POLR3H: variants seen among roughly 807,000 people sequenced by gnomAD.
POLR3H encodes the protein DNA-directed RNA polymerase III subunit RPC8.
POLR3H carries 17 observed loss-of-function variants against 25.5 expected under a neutral mutation model. The observed-to-expected ratio is 0.67, with a 90% CI of 0.46 to 1.00. The LOEUF is 1.00. POLR3H is among the 50% of genes least tolerant of loss of function. POLR3H has a pLI of 0.00. For synonymous variants in POLR3H, 129 were observed against 103.0 expected (o/e 1.25, Z -1.53); for missense variants, 274 against 265.0 (o/e 1.03, Z -0.24).
chr22:41,532,156 G>A lies in POLR3H; in HGVS notation c.297C>T (p.Val99=). The A allele has an allele frequency of 6.2e-7, 1 of 1,614,034 alleles. No individual in the cohort carries two copies. ...GAATGTCATCGAAGAAGCCTAGAGA[G>A]ACTGGAAGGAAGGAAGCAGGTGACG... ...IKGCSPEGVH[V]SLGFFDDILI... is the part of the protein sequence containing the mutation. Residue 99 remains valine (V), a splice_region_variant and synonymous_variant, in exon 4 of 6, where the codon GTC becomes GTT. Transcript: ENST00000355209.
intron 2 of POLR3H, among the ~76,000 whole-genome samples, chr22:41,537,227 G>T (rs2066863700): frequency 6.6e-6 from 1 of 152,220 alleles, no homozygotes; most frequent in African/African-American, 2.4e-5. Context: ...GCTTCACTCA[G>T]ACTTGCTCGT....
intron 1 of POLR3H, 34 bp from the exon 2 acceptor site, chr22:41,540,829 C>G (rs772550402): frequency 6.5e-7 from 1 of 1,536,616 alleles, no homozygotes; most frequent in Non-Finnish European, 9.0e-7. Flanking sequence ...CACAAGTACA[C>G]ATGGATACAG....
At chr22:41,529,987 C>G (rs1479388005) in intron 5 of POLR3H, among the ~76,000 whole-genome samples, 2 of 152,034 alleles carry the variant, frequency 1.3e-5, no homozygotes, top group Non-Finnish European at 2.9e-5. Context: ...AATCTCCTGA[C>G]CTCGTGATCC....
chr22:41,528,629 GC>G lies in POLR3H; in HGVS notation c.*653del. 6.4e-7 allele frequency: 1 copy of G among 1,552,486 alleles called. No homozygotes were observed. Among genetic ancestry groups the G allele is most frequent in the Non-Finnish European group, 8.7e-7 (1 of 1,152,444 alleles). On this transcript the variant is annotated 3_prime_UTR_variant, in exon 6 of 6. Coordinates refer to ENST00000355209, the MANE Select transcript of POLR3H (RefSeq NM_001018050.4). Reference sequence around the variant, plus strand: ...GCAACAGTGAGGGCAGTGCCTCCCCGCCCCGCCGCTGGCGTCAAGTTCAGCT... The same window carrying G: ...GCAACAGTGAGGGCAGTGCCTCCCCGCCCGCCGCTGGCGTCAAGTTCAGCT...
In POLR3H at chr22:41,537,145, T is replaced by C. The variant is rs949456789; in HGVS notation, c.208+3554A>G. 1.1e-4 allele frequency among the ~76,000 whole-genome samples: 16 copies of C among 152,044 alleles called. 1 individual carries two copies. Among genetic ancestry groups the C allele is most frequent in the Admixed American group, 5.9e-4 (9 of 15,248 alleles). On this transcript the variant is annotated intron_variant, in intron 2 of 5. Coordinates refer to ENST00000355209, the MANE Select transcript of POLR3H (RefSeq NM_001018050.4). Reference sequence around the variant, plus strand: ...AATGTCGAGGGATAAACTTGGCCAGTGGGGGTCAGGGTCCCATGCCACAAA... The same window carrying C: ...AATGTCGAGGGATAAACTTGGCCAGCGGGGGTCAGGGTCCCATGCCACAAA...
intron 1 of POLR3H, among the ~76,000 whole-genome samples, chr22:41,541,790 TAA>T (rs2066933195): frequency 6.6e-6 from 1 of 152,192 alleles, no homozygotes; most frequent in African/African-American, 2.4e-5. Context: ...CCTCACAAAG[TAA>T]CCAGAAGCCA....
In POLR3H at chr22:41,528,542, T is replaced by C; in HGVS notation, c.*741A>G. 6.2e-7 allele frequency: 1 copy of C among 1,613,182 alleles called. No individual in the cohort carries two copies. Among genetic ancestry groups the C allele is most frequent in the South Asian group, 1.1e-5 (1 of 91,032 alleles). ...GGAGACCATCCTCCTGAACCACACC[T>C]TCAACGAGACGCAGATTGAGTGGTT... On this transcript the variant is annotated 3_prime_UTR_variant, in exon 6 of 6. Transcript: ENST00000355209.
At chr22:41,540,635 G>T in intron 2 of POLR3H, 64 bp downstream of exon 2, 2 of 1,277,370 alleles carry the variant, frequency 1.6e-6, no homozygotes, top group South Asian at 1.2e-5. Flanking sequence ...GATTTGGCTT[G>T]ACCTTTGGCT....
intron 1 of POLR3H, among the ~76,000 whole-genome samples, chr22:41,541,047 TG>T (rs1223004018): frequency 2.5e-4 from 38 of 152,150 alleles, no homozygotes; most frequent in Admixed American, 4.6e-4. Flanking sequence ...ACTGTGTGAC[TG>T]CCAAGAGGGT....
intron 2 of POLR3H, among the ~76,000 whole-genome samples, chr22:41,538,124 C>T (rs577489465): frequency 6.6e-6 from 1 of 151,494 alleles, no homozygotes; most frequent in Non-Finnish European, 1.5e-5. Context: ...TGCCACCACA[C>T]CCAAATAATT....
rs1303057152 is a variant in POLR3H at position 41,527,999 on chromosome 22, C to G, written c.*1284G>C. On this transcript the variant is annotated 3_prime_UTR_variant, in exon 6 of 6. Transcript: ENST00000355209. ...TGTGGACAAGCTGACCATTCAGGGC[C>G]TGAAGGACTTCACCCCTGGCAAGGT... 6.2e-7 allele frequency: 1 copy of G among 1,614,206 alleles called. No homozygotes were observed. Among genetic ancestry groups the G allele is most frequent in the Admixed American group, 1.7e-5 (1 of 60,028 alleles).
Position 41,532,858 on chromosome 22 carries a change from C to T in POLR3H, c.209-113G>A. On this transcript the variant is annotated intron_variant, in intron 2 of 5. Transcript: ENST00000355209. ...CTGTGTGGCTGCTCCATGCCACATC[C>T]CCCTGCAAGCCTAGACCCTCCCTTT... The T allele has an allele frequency of 4.5e-6, 5 of 1,117,870 alleles. No homozygotes were observed. In the South Asian group the frequency reaches 5.9e-5, roughly 13 times the overall value. The allele number at this position is 1,117,870 out of a possible 1,614,324, so 69.2% of individuals were successfully genotyped here. A position where few individuals can be genotyped will look rare whatever the true frequency, so the allele number is the denominator to read the frequency against.
chr22:41,532,476 A>C, intron 3 of POLR3H, 183 bp downstream of exon 3: 3 of 1,112,690 alleles, frequency 2.7e-6, no homozygotes, highest in Non-Finnish European at 2.5e-6. Context: ...CTCACAGTGA[A>C]ACCGCACTGC....
chr22:41,530,019 T>C (rs1569029552), intron 5 of POLR3H, among the ~76,000 whole-genome samples: 1 of 152,120 alleles, frequency 6.6e-6, no homozygotes, highest in Non-Finnish European at 1.5e-5. Context: ...CCTCCCAAAG[T>C]GCTGGGATTA....
Position 41,527,379 on chromosome 22 carries a change from G to A in POLR3H, c.*1904C>T. On this transcript the variant is annotated 3_prime_UTR_variant, in exon 6 of 6. Coordinates refer to ENST00000355209, the MANE Select transcript of POLR3H (RefSeq NM_001018050.4). ...GCAGCTCTGGAGCCTCGCCACCTTG[G>A]GGGCCGGGCCATCATCACCAAGAGC... is the stretch of plus-strand genomic sequence containing the variant. 1.2e-6 allele frequency: 2 copies of A among 1,613,748 alleles called. No homozygotes were observed. Among genetic ancestry groups the A allele is most frequent in the Non-Finnish European group, 1.7e-6 (2 of 1,179,982 alleles).
rs1290203000 is a variant in POLR3H at position 41,526,870 on chromosome 22, C to G, written c.*2413G>C. 6 of 310,504 alleles carry G rather than the reference C, an allele frequency of 1.9e-5. No individual in the cohort carries two copies. Among genetic ancestry groups the G allele is most frequent in the Non-Finnish European group, 3.0e-5 (5 of 166,012 alleles). 19.2% of individuals were successfully genotyped at this position (310,504 alleles called of 1,614,324 possible). On this transcript the variant is annotated 3_prime_UTR_variant, in exon 6 of 6. Coordinates refer to ENST00000355209, the MANE Select transcript of POLR3H (RefSeq NM_001018050.4). ...ACCAGGGCTGAACCCAAGTCCTGGC[C>G]CAGCCGGGTGAAAGGACTCTGGCAC...
In POLR3H at chr22:41,528,984, CTG is replaced by C. The variant is rs1246759383; in HGVS notation, c.*297_*298del. 1 of 534,812 alleles carries C rather than the reference CTG, an allele frequency of 1.9e-6. No homozygotes were observed. The highest frequency in any genetic ancestry group is 3.3e-6 in the Non-Finnish European group (1 of 303,308). The allele number at this position is 534,812 out of a possible 1,614,324, so 33.1% of individuals were successfully genotyped here. A position where few individuals can be genotyped will look rare whatever the true frequency, so the allele number is the denominator to read the frequency against. ...CAAGAATCCAAAACCAGTGACTGTTCTGTGAGTGATTGGTGTCTGTGCCGTTT... is the reference window on the plus strand; with the variant it reads ...CAAGAATCCAAAACCAGTGACTGTTCTGAGTGATTGGTGTCTGTGCCGTTT... On this transcript the variant is annotated 3_prime_UTR_variant, in exon 6 of 6. Coordinates refer to ENST00000355209, the MANE Select transcript of POLR3H (RefSeq NM_001018050.4).
chr22:41,535,730 T>C (rs139178922), intron 2 of POLR3H, among the ~76,000 whole-genome samples: 194 of 152,094 alleles, frequency 1.3e-3, no homozygotes, highest in African/African-American at 4.6e-3. Flanking sequence ...TCCCAGCACT[T>C]TGGGAGGCCA....
intron 2 of POLR3H, among the ~76,000 whole-genome samples, chr22:41,534,472 A>G (rs928359231): frequency 6.6e-6 from 1 of 152,208 alleles, no homozygotes; most frequent in Non-Finnish European, 1.5e-5. Context: ...GACTCCATTC[A>G]TGTACAGTGT....
Sources: allele counts gnomAD v4.1 joint callset (sites outside exome capture counted in the v4.1 genomes callset), GRCh38; gene constraint gnomAD v4.1.1; transcripts MANE v1.5; gene names NCBI Gene and HGNC (gene_info 2026-07-23, HGNC 2026-07-21).